MATN4: variants seen among roughly 807,000 people sequenced by gnomAD.
The protein encoded by MATN4 is matrilin 4.
Under a neutral mutation model 54.6 loss-of-function variants are expected in MATN4, and 40 were observed. That is an observed-to-expected ratio of 0.73 (90% confidence interval 0.57 to 0.95). MATN4 has a LOEUF of 0.95. MATN4 is among the 40% of genes least tolerant of loss of function. MATN4 has a pLI of 0.00. For synonymous variants in MATN4, 351 were observed against 345.3 expected (o/e 1.02, Z -0.18); for missense variants, 810 against 819.1 (o/e 0.99, Z 0.13).
At chr20:45,307,030 T>G (rs1986766076) in intron 1 of MATN4, 2 of 609,172 alleles carry the variant, frequency 3.3e-6, no homozygotes, top group African/African-American at 3.7e-5. Context: ...ACTATACAAA[T>G]AGGAAAACTA....
At chr20:45,306,768 C>CA (rs1268321773) in intron 1 of MATN4, 4 of 541,844 alleles carry the variant, frequency 7.4e-6, no homozygotes, top group Admixed American at 4.4e-5. Flanking sequence ...CCCGAGCAAA[C>CA]AGGGGGCCGG....
intron 1 of MATN4, among the ~76,000 whole-genome samples, 192 bp from the exon 2 acceptor site, chr20:45,305,808 T>TTTTTTTTTTTTTTTTTTTTTTTG: frequency 9.4e-6 from 1 of 106,326 alleles, no homozygotes; most frequent in Non-Finnish European, 1.9e-5. Flanking sequence ...AGAGATTCTT[T>TTTTTTTTTTTTTTTTTTTTTTTG]TTTTTTTTTT....
intron 8 of MATN4, among the ~76,000 whole-genome samples, chr20:45,295,936 C>A (rs1231517817): frequency 6.6e-6 from 1 of 151,954 alleles, no homozygotes; most frequent in Non-Finnish European, 1.5e-5. Flanking sequence ...TACAGGGAGG[C>A]CAGGTGCTGT....
intron 8 of MATN4, among the ~76,000 whole-genome samples, chr20:45,295,639 G>A (rs1275894743): frequency 2.6e-5 from 4 of 151,918 alleles, no homozygotes; most frequent in African/African-American, 4.8e-5. Context: ...TGCCCACCTC[G>A]GCCTCCCAAA....
chr20:45,293,525 A>T lies in MATN4; in HGVS notation c.*242T>A. 2.1e-6 allele frequency: 1 copy of T among 468,740 alleles called. No homozygotes were observed. Among genetic ancestry groups the T allele is most frequent in the East Asian group, 3.5e-5 (1 of 28,358 alleles). The allele number at this position is 468,740 out of a possible 1,614,324, so 29.0% of individuals were successfully genotyped here. On this transcript the variant is annotated 3_prime_UTR_variant, in exon 10 of 10. Coordinates refer to ENST00000372756, the MANE Select transcript of MATN4 (RefSeq NM_001393530.1). ...AAAGAACTGAGCGCAGCACGCGGCG[A>T]GGGCGTGCCGGTCTAGCACGTGCCC...
intron 1 of MATN4, chr20:45,306,969 C>T: frequency 1.6e-6 from 2 of 1,247,764 alleles, no homozygotes; most frequent in Non-Finnish European, 2.0e-6. Context: ...TCCCGAGGCC[C>T]CGGAGACGCC....
At chr20:45,305,995 G>A (rs1413280076) in intron 1 of MATN4, among the ~76,000 whole-genome samples, 2 of 151,322 alleles carry the variant, frequency 1.3e-5, no homozygotes, top group Admixed American at 6.6e-5. Flanking sequence ...AGTAGAGAGC[G>A]GGTTTTGCCA....
chr20:45,305,631 G>A lies in MATN4; in HGVS notation c.-34-15C>T, dbSNP rs938708806. 5 of 1,352,012 alleles carry A rather than the reference G, an allele frequency of 3.7e-6. No homozygotes were observed. Among genetic ancestry groups the A allele is most frequent in the Admixed American group, 4.0e-5 (2 of 50,606 alleles). The allele number at this position is 1,352,012 out of a possible 1,614,324, so 83.8% of individuals were successfully genotyped here. On this transcript the variant is annotated splice_polypyrimidine_tract_variant and intron_variant, in intron 1 of 9. Transcript: ENST00000372756. ...GGTGTCAGAGCCTGGAGGGAGGAAGGAAAATAGAAAAGCAACAGTATTTAC... is the reference window on the plus strand; with the variant it reads ...GGTGTCAGAGCCTGGAGGGAGGAAGAAAAATAGAAAAGCAACAGTATTTAC...
intron 8 of MATN4, 68 bp downstream of exon 8, chr20:45,297,850 A>C: frequency 6.3e-7 from 1 of 1,576,428 alleles, no homozygotes; most frequent in Non-Finnish European, 8.7e-7. Flanking sequence ...CAGGGAGTGA[A>C]TAGGAAGGGG....
chr20:45,294,269 C>CGTGTGTGTGT (rs71181819), intron 8 of MATN4, among the ~76,000 whole-genome samples: 1 of 151,410 alleles, frequency 6.6e-6, no homozygotes, highest in African/African-American at 2.4e-5. Context: ...CACCTGTGTA[C>CGTGTGTGTGT]GTGTGTGTGT....
Position 45,300,906 on chromosome 20 carries a change from T to C in MATN4, c.993A>G (p.Ala331=). The C allele has an allele frequency of 1.9e-6, 3 of 1,613,222 alleles. No individual in the cohort carries two copies. Among genetic ancestry groups the C allele is most frequent in the Non-Finnish European group, 2.5e-6 (3 of 1,180,024 alleles). Residue 331 remains alanine (A), a synonymous_variant, in exon 6 of 10, where the codon GCA becomes GCG. Transcript: ENST00000372756. ...ACTCACGGTTGCAGCTCTTGCCATC[T>C]GCCTGAAGTTGCCGCCCCTCGGGGC... ...CLCPEGRQLQ[A]DGKSCNRCRE... is the part of the protein sequence containing the mutation.
In MATN4 at chr20:45,297,992, A is replaced by C. The variant is rs1324720702; in HGVS notation, c.1505T>G (p.Leu502Arg). The C allele has an allele frequency of 1.2e-6, 2 of 1,614,084 alleles. No individual in the cohort carries two copies. Among genetic ancestry groups the C allele is most frequent in the Admixed American group, 1.7e-5 (1 of 60,010 alleles). ...GAAGTCCGGGGCATAGGACACGTGC[A>C]GTTCCGCTGGCTCCGAGGCGATCTC... is the stretch of plus-strand genomic sequence containing the variant. The part of the protein sequence containing the change: ...LREIASEPAE[L>R]HVSYAPDFGT... Residue 502 changes from leucine to arginine, a missense_variant, in exon 8 of 10, where the codon CTG (leucine) becomes CGG (arginine). Leu to Arg is a moderately radical substitution (Grantham distance 102, BLOSUM62 -2). Transcript: ENST00000372756.
At chr20:45,299,026 G>C (rs1986052645) in intron 6 of MATN4, among the ~76,000 whole-genome samples, 1 of 152,130 alleles carries the variant, frequency 6.6e-6, no homozygotes, top group South Asian at 2.1e-4. Flanking sequence ...CTCCCAATAA[G>C]CTTGAATATT....
chr20:45,297,769 C>A, intron 8 of MATN4, 149 bp downstream of exon 8: 1 of 972,410 alleles, frequency 1.0e-6, no homozygotes, highest in Non-Finnish European at 1.6e-6. Context: ...TGCCGCTGGC[C>A]TGCAGACCAC....
chr20:45,308,120 G>T (rs775926554), intron 1 of MATN4, 55 bp downstream of exon 1: 3 of 1,563,416 alleles, frequency 1.9e-6, no homozygotes, highest in African/African-American at 2.7e-5. Flanking sequence ...GCCTGACCTG[G>T]CTTGATGCCT....
chr20:45,305,726 C>T (rs1986576779), intron 1 of MATN4, 110 bp from the exon 2 acceptor site: 2 of 424,078 alleles, frequency 4.7e-6, no homozygotes, highest in Non-Finnish European at 4.3e-6. Flanking sequence ...ACTAATCTCT[C>T]TATTTTTGTG....
chr20:45,303,404 T>C (rs780673215), intron 3 of MATN4: 2 of 716,816 alleles, frequency 2.8e-6, no homozygotes, highest in South Asian at 3.0e-5. Context: ...CAGCTCTTGT[T>C]ATCTGCTGCT....
chr20:45,294,007 T>C lies in MATN4; in HGVS notation c.1588A>G (p.Ile530Val), dbSNP rs1321765747. The C allele has an allele frequency of 3.1e-6, 5 of 1,600,886 alleles. No individual in the cohort carries two copies. Among genetic ancestry groups the C allele is most frequent in the Non-Finnish European group, 4.2e-6 (5 of 1,179,366 alleles). The part of the protein sequence containing the change: ...LRGSICPEEG[I>V]SAGTELRSPC... ...CTCCGAAGCTCTGTCCCTGCGCTGA[T>C]GCCCTCCTCTGCAAGCCGGACACAG... Residue 530 changes from isoleucine to valine, a missense_variant, in exon 9 of 10, where the codon ATC becomes GTC. Physicochemically the swap from Ile to Val is conservative, Grantham distance 29. Coordinates refer to ENST00000372756, the MANE Select transcript of MATN4 (RefSeq NM_001393530.1).
intron 8 of MATN4, 149 bp from the exon 9 acceptor site, chr20:45,294,164 C>G (rs1985664777): frequency 1.6e-6 from 1 of 636,486 alleles, no homozygotes; most frequent in Middle Eastern, 4.0e-4. Flanking sequence ...CTGTGAGATA[C>G]TGAAAAACTC....
Sources: gnomAD v4.1 joint callset for allele counts (sites outside exome capture counted in the v4.1 genomes callset) on GRCh38, gnomAD v4.1.1 for gene constraint, MANE v1.5 for transcripts, NCBI Gene and HGNC (gene_info 2026-07-23, HGNC 2026-07-21) for gene names.